The following MPPED1 variants were observed in gnomAD, a reference collection of about 807,000 sequenced individuals.
MPPED1 encodes the protein metallophosphoesterase domain containing 1.
In MPPED1, 16 loss-of-function variants were observed where a neutral mutation model predicts 36.2. That is an observed-to-expected ratio of 0.44 (90% CI 0.30 to 0.67). The LOEUF is 0.67. Among genes scored for constraint, MPPED1 ranks in the 30% least tolerant of loss-of-function variants. The pLI is 0.10. For synonymous variants in MPPED1, 199 were observed against 191.3 expected (o/e 1.04, Z -0.33); for missense variants, 307 against 453.4 (o/e 0.68, Z 2.93).
chr22:43,436,463 C>G (rs527611179), intron 3 of MPPED1, among the ~76,000 whole-genome samples: 8 of 152,368 alleles, frequency 5.3e-5, no homozygotes, highest in African/African-American at 1.9e-4. Context: ...CAAGCAAGGC[C>G]TTCCCTTCTG....
intron 5 of MPPED1, among the ~76,000 whole-genome samples, chr22:43,500,290 G>GATGGA (rs1932665014): frequency 1.1e-4 from 1 of 9,042 alleles, no homozygotes; most frequent in Non-Finnish European, 2.1e-4. Flanking sequence ...GTGGTGATGG[G>GATGGA]GGTGGTGGTG....
chr22:43,502,568 A>G lies in MPPED1; in HGVS notation c.749-76A>G, dbSNP rs930337140. 8.5e-7 allele frequency: 1 copy of G among 1,173,528 alleles called. No homozygotes were observed. 72.7% of individuals were successfully genotyped at this position (1,173,528 alleles called of 1,614,324 possible). A position where few individuals can be genotyped will look rare whatever the true frequency, so the allele number is the denominator to read the frequency against. ...CCCCATGCCTTCTCCAGGCTGCAGA[A>G]GCTGCTGCTAGGCGTGGGGCAGTGA... On this transcript the variant is annotated intron_variant, in intron 5 of 6. Coordinates refer to ENST00000443721, the MANE Select transcript of MPPED1 (RefSeq NM_001044370.2). This position sits in a 1 kb window ranked among gnomAD's most constrained non-coding sequence, Gnocchi z 5.5.
chr22:43,471,239 C>T (rs1931365013), intron 3 of MPPED1, among the ~76,000 whole-genome samples: 1 of 152,256 alleles, frequency 6.6e-6, no homozygotes, highest in South Asian at 2.1e-4. Flanking sequence ...TCTGCACCCC[C>T]AGCTTGGGCT....
chr22:43,472,027 T>A (rs1321400654), intron 3 of MPPED1, among the ~76,000 whole-genome samples: 2 of 152,088 alleles, frequency 1.3e-5, no homozygotes, highest in Non-Finnish European at 2.9e-5. Flanking sequence ...GGCGGTACCT[T>A]CAAATGAATG....
chr22:43,495,501 TGGAGG>T (rs1932259823), intron 4 of MPPED1, among the ~76,000 whole-genome samples: 1 of 37,174 alleles, frequency 2.7e-5, no homozygotes, highest in African/African-American at 2.5e-4. Context: ...GTAGTGGTGG[TGGAGG>T]TGGTGGTGGT....
intron 3 of MPPED1, among the ~76,000 whole-genome samples, chr22:43,454,095 G>T (rs1258840608): frequency 6.6e-6 from 1 of 151,486 alleles, no homozygotes; most frequent in Non-Finnish European, 1.5e-5. Context: ...TGCAGCCTCT[G>T]CCTCCCTGGT....
intron 4 of MPPED1, among the ~76,000 whole-genome samples, chr22:43,479,367 TG>T: frequency 6.6e-6 from 1 of 152,306 alleles, no homozygotes; most frequent in Admixed American, 6.5e-5. Flanking sequence ...ACCTAATAGC[TG>T]CTGCAGCTGG....
At chr22:43,432,220 G>GAGACAA (rs71186588) in intron 2 of MPPED1, among the ~76,000 whole-genome samples, 8,264 of 150,910 alleles carry the variant, frequency 0.055, 296 homozygotes, top group African/African-American at 0.098. Flanking sequence ...GAGAGAGAGA[G>GAGACAA]ACACAGAGAG....
At chr22:43,419,846 G>C (rs1929203378) in intron 1 of MPPED1, among the ~76,000 whole-genome samples, 1 of 152,046 alleles carries the variant, frequency 6.6e-6, no homozygotes. Flanking sequence ...CCTGCTCCTT[G>C]GTGTCTTGGC....
chr22:43,482,012 G>A (rs1444696040), intron 4 of MPPED1, among the ~76,000 whole-genome samples: 1 of 152,182 alleles, frequency 6.6e-6, no homozygotes, highest in Non-Finnish European at 1.5e-5. Flanking sequence ...GAGGCCGTTT[G>A]TGGACCCTCA....
At position 43,468,869 on chromosome 22, in the gene MPPED1, G is replaced by A. The variant is rs552847983; in HGVS notation, c.407-5867G>A. On this transcript the variant is annotated intron_variant, in intron 3 of 6. Coordinates refer to ENST00000443721, the MANE Select transcript of MPPED1 (RefSeq NM_001044370.2). The stretch of plus-strand genomic sequence containing the variant: ...TAGGCTCAGTGGATGCTTAGCTTCC[G>A]TTGGGTTGATGAGGGGAGGTGGATG... Among the ~76,000 whole-genome samples, 8 of 152,298 alleles carry A rather than the reference G, an allele frequency of 5.3e-5. No homozygotes were observed. The South Asian group carries it at 6.2e-4, about 12-fold the overall frequency.
At chr22:43,492,884 G>A (rs1932147903) in intron 4 of MPPED1, among the ~76,000 whole-genome samples, 1 of 152,170 alleles carries the variant, frequency 6.6e-6, no homozygotes, top group Admixed American at 6.5e-5. Flanking sequence ...TTTCAAATGA[G>A]GGGGATCGGT....
intron 1 of MPPED1, among the ~76,000 whole-genome samples, chr22:43,420,832 C>T (rs1318130559): frequency 6.6e-6 from 1 of 152,240 alleles, no homozygotes; most frequent in East Asian, 1.9e-4. Context: ...CCCCCCTCCA[C>T]CCCGTCCCAT....
chr22:43,412,078 C>A lies in MPPED1; in HGVS notation c.-159C>A, dbSNP rs1928920064. 1 of 979,610 alleles carries A rather than the reference C, an allele frequency of 1.0e-6. No homozygotes were observed. The highest frequency in any genetic ancestry group is 6.3e-5 in the Admixed American group (1 of 15,788). 60.7% of individuals were successfully genotyped at this position (979,610 alleles called of 1,614,324 possible). On this transcript the variant is annotated 5_prime_UTR_variant, in exon 1 of 7. Coordinates refer to ENST00000443721, the MANE Select transcript of MPPED1 (RefSeq NM_001044370.2). ...GAGGAGCCCCCGCCCCTGCGCGCCT[C>A]CCTCCCGGGAGCCCCTGCCTCCCTC...
chr22:43,467,418 G>A (rs528513283), intron 3 of MPPED1, among the ~76,000 whole-genome samples: 2 of 152,342 alleles, frequency 1.3e-5, no homozygotes, highest in East Asian at 1.9e-4. Context: ...GAACTCTCCC[G>A]CCTGTTCAGG....
intron 3 of MPPED1, among the ~76,000 whole-genome samples, chr22:43,438,765 T>A (rs1045785944): frequency 2.0e-5 from 3 of 152,202 alleles, no homozygotes; most frequent in Middle Eastern, 3.4e-3. Flanking sequence ...GCCAAGTGTG[T>A]CACAGAAGGG....
intron 1 of MPPED1, among the ~76,000 whole-genome samples, chr22:43,420,315 C>T (rs972626736): frequency 2.0e-5 from 3 of 152,214 alleles, no homozygotes; most frequent in Admixed American, 1.3e-4. Context: ...GCCCAGGCCT[C>T]AGGGACTTAG....
intron 1 of MPPED1, among the ~76,000 whole-genome samples, chr22:43,423,672 C>T (rs1296373909): frequency 6.6e-6 from 1 of 152,208 alleles, no homozygotes; most frequent in Non-Finnish European, 1.5e-5. Context: ...TAATTTTTGT[C>T]TTTTTCCTAA....
At chr22:43,500,257 T>G (rs1294542433) in intron 5 of MPPED1, among the ~76,000 whole-genome samples, 10 of 109,514 alleles carry the variant, frequency 9.1e-5, no homozygotes, top group East Asian at 2.7e-4. Flanking sequence ...GTGATGATGG[T>G]GGTGATGGTG....
Sources: allele counts gnomAD v4.1 joint callset (sites outside exome capture counted in the v4.1 genomes callset), GRCh38; gene constraint gnomAD v4.1.1; non-coding constraint Gnocchi (gnomAD v3.1); transcripts MANE v1.5; gene names NCBI Gene and HGNC (gene_info 2026-07-23, HGNC 2026-07-21).